The following GABRR1 variants were observed in gnomAD, a reference collection of about 807,000 sequenced individuals.
GABRR1 encodes gamma-aminobutyric acid receptor subunit rho-1.
Under a neutral mutation model 55.5 loss-of-function variants are expected in GABRR1, and 59 were observed. The ratio of observed to expected loss-of-function variants is 1.06; its 90% CI spans 0.86 to 1.32. The LOEUF is 1.32. Among genes scored for constraint, GABRR1 ranks in the 40% most tolerant of loss-of-function variants. The pLI is 0.00. For synonymous variants in GABRR1, 213 were observed against 226.0 expected (o/e 0.94, Z 0.51); for missense variants, 602 against 619.1 (o/e 0.97, Z 0.29).
intron 5 of GABRR1, among the ~76,000 whole-genome samples, chr6:89,192,561 CTTCT>C (rs1448225676): frequency 2.9e-4 from 43 of 147,890 alleles, no homozygotes; most frequent in African/African-American, 8.4e-4. Flanking sequence ...TCTTCTTCTT[CTTCT>C]TTTTTTTTTT....
At chr6:89,217,362 A>C, upstream of GABRR1, 1 of 1,606,942 alleles carries the variant, frequency 6.2e-7, no homozygotes, top group Non-Finnish European at 8.5e-7. Flanking sequence ...GAAACAGCAA[A>C]AAGGAAAAGA....
chr6:89,210,008 T>C (rs1243102894), intron 1 of GABRR1, among the ~76,000 whole-genome samples: 3 of 152,224 alleles, frequency 2.0e-5, no homozygotes, highest in African/African-American at 7.2e-5. Context: ...AACTTTCTTT[T>C]GTTTTCTGAT....
In GABRR1 at chr6:89,224,480, G is replaced by A. The variant is rs191169552; in HGVS notation, c.-410-3034C>T. 5.2e-3 allele frequency among the ~76,000 whole-genome samples: 790 copies of A among 152,248 alleles called. 5 individuals carry two copies. The highest frequency in any genetic ancestry group is 6.7e-3 in the Non-Finnish European group (453 of 68,022). On this transcript the variant is annotated intron_variant, in intron 1 of 11. Transcript: ENST00000369451. The stretch of plus-strand genomic sequence containing the variant: ...GTTGGCCATTTGTATGTCTTCTTTT[G>A]AGAATCATCTATTCACGTCCTTAGC...
intron 2 of GABRR1, among the ~76,000 whole-genome samples, chr6:89,202,737 C>T (rs12526955): frequency 0.2 from 30,530 of 151,992 alleles, 4,052 homozygotes; most frequent in Middle Eastern, 0.31. Flanking sequence ...CTTGCTCTGT[C>T]ATCCAAGCTG....
upstream of GABRR1, among the ~76,000 whole-genome samples, chr6:89,221,687 C>G (rs1327464156): frequency 6.6e-6 from 1 of 152,088 alleles, no homozygotes; most frequent in Non-Finnish European, 1.5e-5. Context: ...GATGACTGTA[C>G]ACGTGCACCA....
chr6:89,202,628 C>G (rs1772513566), intron 2 of GABRR1, among the ~76,000 whole-genome samples: 1 of 151,806 alleles, frequency 6.6e-6, no homozygotes, highest in Admixed American at 6.6e-5. Flanking sequence ...TCTATCTGAC[C>G]AGAGTTTCTT....
intron 6 of GABRR1, among the ~76,000 whole-genome samples, chr6:89,187,018 A>G (rs1322439035): frequency 6.6e-6 from 1 of 152,220 alleles, no homozygotes; most frequent in African/African-American, 2.4e-5. Context: ...AACCCTCACT[A>G]GGGCTTTGAC....
upstream of GABRR1, among the ~76,000 whole-genome samples, chr6:89,220,870 G>T (rs1034201524): frequency 6.6e-6 from 1 of 151,954 alleles, no homozygotes; most frequent in African/African-American, 2.4e-5. Context: ...ACACGCATTC[G>T]CCACTACACC....
intron 6 of GABRR1, among the ~76,000 whole-genome samples, chr6:89,187,170 G>A (rs1771929131): frequency 6.6e-6 from 1 of 152,004 alleles, no homozygotes; most frequent in Non-Finnish European, 1.5e-5. Flanking sequence ...ATTTTATACT[G>A]CCTCAGCCTG....
upstream of GABRR1, among the ~76,000 whole-genome samples, chr6:89,220,818 T>C (rs1449659311): frequency 6.6e-6 from 1 of 152,130 alleles, no homozygotes; most frequent in Non-Finnish European, 1.5e-5. Flanking sequence ...CCTCCCAGGT[T>C]CAAGTGATTC....
chr6:89,188,148 C>A (rs1221908113), intron 6 of GABRR1, among the ~76,000 whole-genome samples: 1 of 152,064 alleles, frequency 6.6e-6, no homozygotes, highest in East Asian at 1.9e-4. Context: ...CTCAGCCTCC[C>A]GAGCAGCTGG....
At chr6:89,197,996 T>C (rs771920686) in intron 5 of GABRR1, 24 bp downstream of exon 5, 1 of 1,597,774 alleles carries the variant, frequency 6.3e-7, no homozygotes, top group South Asian at 1.1e-5. Context: ...TTGGTTAATA[T>C]GAATGATCTG....
chr6:89,209,800 C>A (rs1034919702), intron 1 of GABRR1, among the ~76,000 whole-genome samples: 1 of 152,138 alleles, frequency 6.6e-6, no homozygotes, highest in Non-Finnish European at 1.5e-5. Context: ...TAGCTGTTAA[C>A]CTTGGGCAGG....
At chr6:89,196,944 C>T (rs1231705654) in intron 5 of GABRR1, among the ~76,000 whole-genome samples, 3 of 151,894 alleles carry the variant, frequency 2.0e-5, no homozygotes, top group Non-Finnish European at 4.4e-5. Flanking sequence ...TCAGGGAGAA[C>T]CAGCTCAACA....
chr6:89,206,614 T>C (rs1772654958), intron 1 of GABRR1, among the ~76,000 whole-genome samples: 4 of 145,988 alleles, frequency 2.7e-5, no homozygotes, highest in African/African-American at 9.9e-5. Flanking sequence ...GATGAGAGAC[T>C]GTACTTTTTT....
chr6:89,201,461 G>C (rs889163922), intron 2 of GABRR1, among the ~76,000 whole-genome samples, 196 bp from the exon 3 acceptor site: 6 of 152,174 alleles, frequency 3.9e-5, no homozygotes, highest in Non-Finnish European at 7.3e-5. Flanking sequence ...CATTGGCTTT[G>C]ACCATGACTG....
At position 89,198,126 on chromosome 6, in the gene GABRR1, G is replaced by T; in HGVS notation, c.466C>A (p.Pro156Thr). The stretch of plus-strand genomic sequence containing the variant: ...TTGGAGTGCACGAAAAACATGTCAG[G>T]GACCCAGATCTTCTTGACCAGCCGG... ...DGRLVKKIWV[P>T]DMFFVHSKRS... Residue 156 changes from proline (P) to threonine (T), a missense_variant, in exon 5 of 10, where the codon CCT becomes ACT. This residue lies in a region of GABRR1 where 435 missense variants were observed against 424.2 expected (regional missense o/e 1.03). Transcript: ENST00000454853. The T allele has an allele frequency of 6.2e-7, 1 of 1,614,074 alleles. No homozygotes were observed. Among genetic ancestry groups the T allele is most frequent in the East Asian group, 2.2e-5 (1 of 44,876 alleles).
At chr6:89,196,855 G>GAAAGAAAGAAAGAA (rs1562296739) in intron 5 of GABRR1, among the ~76,000 whole-genome samples, 1 of 135,776 alleles carries the variant, frequency 7.4e-6, no homozygotes, top group Non-Finnish European at 1.6e-5. Flanking sequence ...AAGAAAGAAA[G>GAAAGAAAGAAAGAA]AAAGAAAGAA....
rs759889934 is a variant in GABRR1, at chr6:89,180,376, G to A, written c.1062C>T (p.Phe354=). 9 of 1,613,918 alleles carry A rather than the reference G, an allele frequency of 5.6e-6. No individual in the cohort carries two copies. The highest frequency in any genetic ancestry group is 1.1e-5 in the South Asian group (1 of 91,062). The change falls in exon 9 of 10, where the codon TTC becomes TTT. Residue 354 remains phenylalanine, a synonymous_variant. Transcript: ENST00000454853. The stretch of plus-strand genomic sequence containing the variant: ...CATACTCCAGCACCGAGAGGAACAC[G>A]AACACAAAGCTGACCCAGAGGTAGA... ...VDIYLWVSFV[F]VFLSVLEYAA...
Sources: allele counts gnomAD v4.1 joint callset (sites outside exome capture counted in the v4.1 genomes callset), GRCh38; gene constraint gnomAD v4.1.1; regional missense constraint gnomAD v4.1.1; transcripts MANE v1.5; gene names NCBI Gene and HGNC (gene_info 2026-07-23, HGNC 2026-07-21).